The following ACYP2 variants were observed in gnomAD, a reference collection of about 807,000 sequenced individuals.
ACYP2 encodes the protein acylphosphatase 2, also known as acylphosphatase-2.
In ACYP2, 12 loss-of-function variants were observed where a neutral mutation model predicts 11.2. That is an observed-to-expected ratio of 1.08 (90% CI 0.69 to 1.74). ACYP2 has a LOEUF of 1.74. ACYP2 is among the 40% of genes most tolerant of loss of function. ACYP2 has a pLI of 0.00. For missense variants in ACYP2, 134 were observed against 101.9 expected, an observed-to-expected ratio of 1.31 and a Z score of -1.35; for synonymous variants, 43 against 32.2, an observed-to-expected ratio of 1.33 and a Z score of -1.13.
intron 4 of ACYP2, among the ~76,000 whole-genome samples, chr2:54,116,965 G>A (rs897976511): frequency 1.1e-4 from 17 of 152,282 alleles, no homozygotes; most frequent in Admixed American, 5.9e-4. Flanking sequence ...CAGAGCAGGT[G>A]ACCAGGGGTG....
intron 4 of ACYP2, among the ~76,000 whole-genome samples, chr2:54,110,013 A>C (rs2103716332): frequency 6.6e-6 from 1 of 152,294 alleles, no homozygotes; most frequent in Admixed American, 6.5e-5. Flanking sequence ...GGCTCCTGGT[A>C]GATGCTTCTC....
intron 2 of ACYP2, among the ~76,000 whole-genome samples, chr2:53,992,012 T>C (rs1447384707): frequency 6.6e-6 from 1 of 151,690 alleles, no homozygotes; most frequent in Non-Finnish European, 1.5e-5. Flanking sequence ...ATGTAAGAGC[T>C]CTTGCCCCTC....
At chr2:54,063,060 G>A (rs181962275) in intron 4 of ACYP2, among the ~76,000 whole-genome samples, 2 of 152,232 alleles carry the variant, frequency 1.3e-5, no homozygotes, top group African/African-American at 4.8e-5. Context: ...GGGAACAATG[G>A]TAAGCACAGA....
chr2:54,291,720 C>A (rs1428151417), intron 6 of ACYP2, among the ~76,000 whole-genome samples: 2 of 152,176 alleles, frequency 1.3e-5, no homozygotes, highest in Admixed American at 6.5e-5. Context: ...CGGGGGCCAA[C>A]AATTCTGGTG....
At chr2:54,211,421 G>A (rs1053610665) in intron 6 of ACYP2, among the ~76,000 whole-genome samples, 4 of 152,138 alleles carry the variant, frequency 2.6e-5, no homozygotes, top group Non-Finnish European at 4.4e-5. Context: ...TAAGTTTGAT[G>A]TGTGTTTTAT....
At chr2:54,217,494 G>A (rs941961615) in intron 6 of ACYP2, among the ~76,000 whole-genome samples, 1 of 151,798 alleles carries the variant, frequency 6.6e-6, no homozygotes, top group Non-Finnish European at 1.5e-5. Context: ...AGCCTCCCGA[G>A]TAGCTAGGAC....
intron 2 of ACYP2, among the ~76,000 whole-genome samples, chr2:54,004,902 A>AC: frequency 7.7e-6 from 1 of 129,674 alleles, no homozygotes; most frequent in Admixed American, 7.7e-5. Context: ...CTCAAAAAAA[A>AC]AAAAAAAAAA....
chr2:54,136,564 C>T (rs868323862), intron 5 of ACYP2, among the ~76,000 whole-genome samples: 2 of 152,160 alleles, frequency 1.3e-5, no homozygotes, highest in African/African-American at 4.8e-5. Flanking sequence ...TTCAGGGCCA[C>T]GTCTTACATC....
At chr2:54,278,891 T>C (rs1688728585) in intron 6 of ACYP2, among the ~76,000 whole-genome samples, 1 of 152,170 alleles carries the variant, frequency 6.6e-6, no homozygotes, top group South Asian at 2.1e-4. Flanking sequence ...TGTGCTGAGG[T>C]TGTGTTCTCA....
At chr2:54,009,581 A>T (rs1673254881) in intron 2 of ACYP2, among the ~76,000 whole-genome samples, 1 of 152,034 alleles carries the variant, frequency 6.6e-6, no homozygotes, top group Admixed American at 6.6e-5. Context: ...TCTCAAAAAT[A>T]ATAATAATAA....
intron 4 of ACYP2, among the ~76,000 whole-genome samples, chr2:54,058,071 G>C (rs1676251196): frequency 6.6e-6 from 1 of 152,184 alleles, no homozygotes; most frequent in Non-Finnish European, 1.5e-5. Context: ...ATTGGTCCCT[G>C]AGGGAGGTAG....
chr2:53,993,203 A>G (rs183127765), intron 2 of ACYP2, among the ~76,000 whole-genome samples: 56 of 152,128 alleles, frequency 3.7e-4, no homozygotes, highest in African/African-American at 1.3e-3. Flanking sequence ...TTGACAAGAA[A>G]AGGTTTTTGC....
intron 2 of ACYP2, among the ~76,000 whole-genome samples, chr2:53,978,261 C>CAA (rs1273195454): frequency 1.6e-4 from 9 of 56,150 alleles, no homozygotes; most frequent in Admixed American, 6.0e-4. Flanking sequence ...GACTCCATCT[C>CAA]AAAAAAAAAA....
chr2:54,009,795 T>C (rs972384608), intron 2 of ACYP2, among the ~76,000 whole-genome samples: 1 of 152,220 alleles, frequency 6.6e-6, no homozygotes, highest in African/African-American at 2.4e-5. Context: ...ATACTGATAC[T>C]AACTGGCTAA....
chr2:54,194,636 T>G (rs1340027000), intron 6 of ACYP2, among the ~76,000 whole-genome samples: 1 of 152,190 alleles, frequency 6.6e-6, no homozygotes. Context: ...AAGACTATGT[T>G]ATTTTTCACC....
chr2:54,091,878 A>G (rs1388603626), intron 4 of ACYP2, among the ~76,000 whole-genome samples: 1 of 152,066 alleles, frequency 6.6e-6, no homozygotes, highest in East Asian at 1.9e-4. Flanking sequence ...TTTGTTTCTC[A>G]TTTTTATACC....
rs149083657 is a variant in ACYP2, at chr2:54,135,833, G to A, written c.294+364G>A. On this transcript the variant is annotated intron_variant, in intron 5 of 6. Transcript: ENST00000607452. Reference sequence around the variant, plus strand: ...TATGTTGCACTGCAAAACAAAACACGCTAATGTTGCATAATGAAGTGGTTC... The same window carrying A: ...TATGTTGCACTGCAAAACAAAACACACTAATGTTGCATAATGAAGTGGTTC... 3.7e-4 allele frequency among the ~76,000 whole-genome samples: 57 copies of A among 152,270 alleles called. 1 individual carries two copies. In the East Asian group the frequency reaches 0.011, roughly 28 times the overall value.
At chr2:54,201,533 T>G (rs10171521) in intron 6 of ACYP2, among the ~76,000 whole-genome samples, 13 of 151,496 alleles carry the variant, frequency 8.6e-5, no homozygotes. Context: ...TTTCTTGGTC[T>G]TGTCTTTCGA....
At chr2:54,187,379 C>T (rs1452461878) in intron 6 of ACYP2, among the ~76,000 whole-genome samples, 1 of 152,174 alleles carries the variant, frequency 6.6e-6, no homozygotes, top group Non-Finnish European at 1.5e-5. Flanking sequence ...GTGTAGTCCG[C>T]ACATCTTGGG....
Sources: gnomAD v4.1 joint callset for allele counts (sites outside exome capture counted in the v4.1 genomes callset) on GRCh38, gnomAD v4.1.1 for gene constraint, MANE v1.5 for transcripts, NCBI Gene and HGNC (gene_info 2026-07-23, HGNC 2026-07-21) for gene names.